The following THADA variants were observed in gnomAD, a reference collection of about 807,000 sequenced individuals.
THADA encodes THADA armadillo repeat containing, also known as tRNA (32-2'-O)-methyltransferase regulator THADA.
A neutral mutation model predicts 219.8 loss-of-function variants in THADA; 213 were observed. The ratio of observed to expected loss-of-function variants is 0.97; its 90% confidence interval spans 0.87 to 1.09. The LOEUF is 1.09. Among genes scored for constraint, THADA ranks in the 50% least tolerant of loss-of-function variants. THADA has a pLI of 0.00. For synonymous variants in THADA, 1,018 were observed against 828.9 expected, an observed-to-expected ratio of 1.23 and a Z score of -3.92; for missense variants, 2,956 against 2,311.3, an observed-to-expected ratio of 1.28 and a Z score of -5.72.
intron 21 of THADA, among the ~76,000 whole-genome samples, chr2:43,540,855 A>T (rs1379016736): frequency 6.6e-6 from 1 of 152,218 alleles, no homozygotes; most frequent in Non-Finnish European, 1.5e-5. Flanking sequence ...GACAATTTTA[A>T]GCTAAAGTTT....
At chr2:43,441,108 C>T (rs1680790698) in intron 26 of THADA, among the ~76,000 whole-genome samples, 1 of 152,104 alleles carries the variant, frequency 6.6e-6, no homozygotes, top group Non-Finnish European at 1.5e-5. Context: ...TTATTGTGGC[C>T]ATGCCTGATG....
At chr2:43,352,750 T>C (rs977843632) in intron 29 of THADA, among the ~76,000 whole-genome samples, 2 of 152,116 alleles carry the variant, frequency 1.3e-5, no homozygotes, top group East Asian at 3.8e-4. Flanking sequence ...TTATTTCACA[T>C]AGTAACTAGC....
chr2:43,400,833 T>C (rs993626176), intron 28 of THADA, among the ~76,000 whole-genome samples: 1 of 152,112 alleles, frequency 6.6e-6, no homozygotes, highest in Non-Finnish European at 1.5e-5. Context: ...GGCCTGTGAG[T>C]AGCCCCAAAA....
intron 24 of THADA, among the ~76,000 whole-genome samples, chr2:43,500,586 C>CA (rs1158668601): frequency 6.6e-6 from 1 of 151,988 alleles, no homozygotes; most frequent in Non-Finnish European, 1.5e-5. Flanking sequence ...TAAAAAGATG[C>CA]AAAAAATATT....
intron 1 of THADA, among the ~76,000 whole-genome samples, chr2:43,594,975 T>C (rs187585087): frequency 6.6e-6 from 1 of 152,254 alleles, no homozygotes; most frequent in South Asian, 2.1e-4. Context: ...AATTTGTATA[T>C]TGTCTGTCTC....
In THADA at chr2:43,468,672, C is replaced by T. The variant is rs542169870; in HGVS notation, c.3836+16562G>A. 5.3e-4 allele frequency among the ~76,000 whole-genome samples: 80 copies of T among 152,234 alleles called. 2 individuals are homozygous for T. In the South Asian group the frequency reaches 0.016, roughly 31 times the overall value. ...GGCAAAAAATTTAAAATACAATCCC[C>T]CACCAACTTAAGAATTTGGTATCTG... On this transcript the variant is annotated intron_variant, in intron 26 of 37. Coordinates refer to ENST00000405975, the MANE Select transcript of THADA (RefSeq NM_022065.5).
intron 26 of THADA, among the ~76,000 whole-genome samples, chr2:43,478,920 A>G (rs923855900): frequency 2.0e-5 from 3 of 152,212 alleles, no homozygotes; most frequent in African/African-American, 7.2e-5. Flanking sequence ...GTACAGACTT[A>G]ATTCTGACTT....
intron 26 of THADA, among the ~76,000 whole-genome samples, chr2:43,459,856 A>G (rs908341553): frequency 2.0e-5 from 3 of 152,318 alleles, no homozygotes; most frequent in Non-Finnish European, 4.4e-5. Context: ...ACTTTTTAAA[A>G]ACAAAAACAA....
intron 26 of THADA, among the ~76,000 whole-genome samples, chr2:43,437,950 T>C (rs561991021): frequency 6.6e-6 from 1 of 152,012 alleles, no homozygotes; most frequent in East Asian, 1.9e-4. Flanking sequence ...CCTATCAAAA[T>C]GAAATTCACA....
chr2:43,566,429 G>C (rs1448336347), intron 15 of THADA: 2 of 709,734 alleles, frequency 2.8e-6, no homozygotes, highest in African/African-American at 3.5e-5. Flanking sequence ...AATTAGTGAG[G>C]TAATAGCTGG....
At chr2:43,357,925 T>A (rs575137896) in intron 29 of THADA, among the ~76,000 whole-genome samples, 2 of 152,200 alleles carry the variant, frequency 1.3e-5, no homozygotes, top group South Asian at 2.1e-4. Context: ...TTTGAAATTG[T>A]AGACTCATAG....
intron 17 of THADA, among the ~76,000 whole-genome samples, chr2:43,553,239 T>C (rs1036390804): frequency 1.3e-5 from 2 of 152,246 alleles, no homozygotes; most frequent in Non-Finnish European, 2.9e-5. Context: ...TTTAGATGTA[T>C]GTTTTCATTT....
At chr2:43,384,886 T>C (rs889007306) in intron 29 of THADA, among the ~76,000 whole-genome samples, 5 of 152,232 alleles carry the variant, frequency 3.3e-5, no homozygotes, top group Admixed American at 1.3e-4. Flanking sequence ...ACGCCTGTAA[T>C]TCCAGCACTT....
chr2:43,281,914 T>C (rs2104320612), intron 35 of THADA, among the ~76,000 whole-genome samples: 1 of 152,240 alleles, frequency 6.6e-6, no homozygotes, highest in Non-Finnish European at 1.5e-5. Context: ...GAACTACAGG[T>C]GTACACCACC....
chr2:43,584,037 T>TAAAAAAAAAAAA (rs536050936), intron 7 of THADA, among the ~76,000 whole-genome samples: 7 of 65,560 alleles, frequency 1.1e-4, no homozygotes, highest in Admixed American at 3.8e-4. Flanking sequence ...TTGTCTCAAT[T>TAAAAAAAAAAAA]AAAAAAAAAA....
At chr2:43,248,204 G>GAC (rs1669438359) in intron 36 of THADA, among the ~76,000 whole-genome samples, 2 of 133,670 alleles carry the variant, frequency 1.5e-5, no homozygotes, top group Non-Finnish European at 3.2e-5. Context: ...GAGAGAGAGA[G>GAC]AGAGAGAGAG....
At chr2:43,561,511 A>C (rs1354778773) in intron 15 of THADA, among the ~76,000 whole-genome samples, 2 of 152,236 alleles carry the variant, frequency 1.3e-5, no homozygotes, top group Non-Finnish European at 2.9e-5. Flanking sequence ...CAAAATGTGA[A>C]GAACATTTAA....
intron 35 of THADA, among the ~76,000 whole-genome samples, chr2:43,282,001 G>C (rs7572765): frequency 0.73 from 110,671 of 152,068 alleles, 41,158 homozygotes; most frequent in African/African-American, 0.82. Flanking sequence ...AACTCCTGGG[G>C]TCAAGTGATC....
intron 36 of THADA, among the ~76,000 whole-genome samples, chr2:43,237,067 G>T (rs1285189814): frequency 2.6e-4 from 27 of 104,662 alleles, no homozygotes; most frequent in Non-Finnish European, 4.0e-4. Flanking sequence ...GCAAGACTCT[G>T]TCTCAAAAAA....
Sources: allele counts gnomAD v4.1 joint callset (sites outside exome capture counted in the v4.1 genomes callset), GRCh38; gene constraint gnomAD v4.1.1; transcripts MANE v1.5; gene names NCBI Gene and HGNC (gene_info 2026-07-23, HGNC 2026-07-21).